The following PARD3 variants were observed in gnomAD, a reference collection of about 807,000 sequenced individuals.
PARD3 encodes the protein par-3 family cell polarity regulator.
PARD3 carries 75 observed loss-of-function variants against 155.4 expected under a neutral mutation model. That is an observed-to-expected ratio of 0.48 (90% confidence interval 0.40 to 0.58). The LOEUF is 0.58. PARD3 is among the 20% of genes least tolerant of loss of function. PARD3 has a pLI of 0.00. For missense variants in PARD3, 1,642 were observed against 1,721.7 expected, an observed-to-expected ratio of 0.95 and a Z score of 0.82; for synonymous variants, 576 against 610.5, an observed-to-expected ratio of 0.94 and a Z score of 0.83.
chr10:34,411,953 TG>T (rs1845122769), intron 5 of PARD3, among the ~76,000 whole-genome samples: 5 of 150,658 alleles, frequency 3.3e-5, no homozygotes, highest in African/African-American at 7.3e-5. Flanking sequence ...TGTGTGTGTG[TG>T]TGTGTGTGTA....
chr10:34,705,263 A>G (rs6481907), intron 1 of PARD3, among the ~76,000 whole-genome samples: 62,638 of 151,940 alleles, frequency 0.41, 14,315 homozygotes, highest in African/African-American at 0.6. Context: ...CCAGGAGTTC[A>G]AGACCAGCCT....
chr10:34,563,584 G>A (rs2085684070), intron 2 of PARD3, among the ~76,000 whole-genome samples: 1 of 150,882 alleles, frequency 6.6e-6, no homozygotes, highest in Non-Finnish European at 1.5e-5. Context: ...AGGATGGAGT[G>A]CAATGGTATG....
chr10:34,449,153 G>A (rs867814933), intron 5 of PARD3, among the ~76,000 whole-genome samples: 4 of 151,744 alleles, frequency 2.6e-5, no homozygotes, highest in Admixed American at 1.3e-4. Context: ...TCCTGACCTC[G>A]TGATCCACCC....
chr10:34,239,047 A>C (rs895536865), intron 22 of PARD3, among the ~76,000 whole-genome samples: 12 of 152,364 alleles, frequency 7.9e-5, no homozygotes, highest in Admixed American at 2.6e-4. Flanking sequence ...TGGGTATTTT[A>C]AGAAAATAAT....
chr10:34,445,548 T>A (rs1437850508), intron 5 of PARD3, among the ~76,000 whole-genome samples: 1 of 152,168 alleles, frequency 6.6e-6, no homozygotes, highest in Non-Finnish European at 1.5e-5. Flanking sequence ...CTAACTCAAA[T>A]AACTTCAACA....
intron 5 of PARD3, among the ~76,000 whole-genome samples, chr10:34,431,355 G>A (rs1251403290): frequency 2.0e-5 from 3 of 152,198 alleles, no homozygotes; most frequent in African/African-American, 4.8e-5. Context: ...TGATTTTAAA[G>A]GAAGGCACAG....
At chr10:34,739,393 C>A (rs1325856764) in intron 1 of PARD3, among the ~76,000 whole-genome samples, 1 of 152,142 alleles carries the variant, frequency 6.6e-6, no homozygotes, top group African/African-American at 2.4e-5. Context: ...CACCAGAGGG[C>A]TGTTCAAGAA....
At chr10:34,805,085 C>T (rs7081495) in intron 1 of PARD3, among the ~76,000 whole-genome samples, 5,233 of 152,298 alleles carry the variant, frequency 0.034, 106 homozygotes, top group Middle Eastern at 0.092. Flanking sequence ...AGGCTGGGCG[C>T]GGTGGCTCAC....
At chr10:34,604,634 GAT>G (rs2090075151) in intron 2 of PARD3, among the ~76,000 whole-genome samples, 1 of 147,886 alleles carries the variant, frequency 6.8e-6, no homozygotes, top group Admixed American at 6.8e-5. Flanking sequence ...AGATGTATAT[GAT>G]ATATAAAATA....
chr10:34,660,307 C>T (rs896811714), intron 2 of PARD3, among the ~76,000 whole-genome samples: 11 of 152,060 alleles, frequency 7.2e-5, no homozygotes, highest in Admixed American at 5.9e-4. Flanking sequence ...TTAATTAAAG[C>T]TTATCTCAGG....
intron 22 of PARD3, among the ~76,000 whole-genome samples, chr10:34,191,729 T>C (rs890530914): frequency 7.2e-5 from 11 of 152,126 alleles, no homozygotes; most frequent in Admixed American, 3.3e-4. Context: ...GAAGGATTCC[T>C]GGCCCCGCTG....
At chr10:34,264,747 ATTTT>A (rs71523323) in intron 22 of PARD3, among the ~76,000 whole-genome samples, 15 of 145,334 alleles carry the variant, frequency 1.0e-4, no homozygotes, top group African/African-American at 2.3e-4. Flanking sequence ...AAAAACTGGG[ATTTT>A]TTTTTTTTTT....
At chr10:34,813,154 A>C (rs1181221262) in intron 1 of PARD3, among the ~76,000 whole-genome samples, 1 of 152,268 alleles carries the variant, frequency 6.6e-6, no homozygotes, top group African/African-American at 2.4e-5. Flanking sequence ...CCAAACAGGC[A>C]GTTCAGCCTA....
intron 2 of PARD3, among the ~76,000 whole-genome samples, chr10:34,629,455 A>G (rs908798397): frequency 6.6e-6 from 1 of 151,976 alleles, no homozygotes; most frequent in Non-Finnish European, 1.5e-5. Context: ...GTGCATGTGC[A>G]CACACACACA....
chr10:34,318,085 C>A (rs1339918568), intron 19 of PARD3, among the ~76,000 whole-genome samples: 1 of 152,172 alleles, frequency 6.6e-6, no homozygotes, highest in African/African-American at 2.4e-5. Flanking sequence ...GATAAAAGAT[C>A]TGCTTAGTGA....
At chr10:34,639,539 G>T (rs2092600495) in intron 2 of PARD3, among the ~76,000 whole-genome samples, 1 of 152,136 alleles carries the variant, frequency 6.6e-6, no homozygotes, top group Admixed American at 6.5e-5. Context: ...ATGGTCTTGA[G>T]GCTCACATCT....
intron 20 of PARD3, among the ~76,000 whole-genome samples, chr10:34,289,892 G>A (rs932951535): frequency 6.6e-6 from 1 of 152,192 alleles, no homozygotes; most frequent in Admixed American, 6.5e-5. Flanking sequence ...TGAACTGGAG[G>A]ATGAATGGGG....
Position 34,561,761 on chromosome 10 carries a change from G to A in PARD3, c.223-44602C>T, listed in dbSNP as rs552887307. On this transcript the variant is annotated intron_variant, in intron 2 of 24. Transcript: ENST00000374788. ...TCGAACTCCCAATCTCAGGTGATCC[G>A]CCCACCTCGGCCTCCCAAAGTGCTG... Among the ~76,000 whole-genome samples, 17 of 151,610 alleles carry A rather than the reference G, an allele frequency of 1.1e-4. No homozygotes were observed. In the East Asian group the frequency reaches 1.4e-3, roughly 12 times the overall value.
chr10:34,115,586 G>A (rs117953632), intron 24 of PARD3, among the ~76,000 whole-genome samples: 1,669 of 152,144 alleles, frequency 0.011, 14 homozygotes, highest in Non-Finnish European at 0.016. Flanking sequence ...AAATATTTGA[G>A]GTGATGGATA....
Sources: allele counts gnomAD v4.1 joint callset (sites outside exome capture counted in the v4.1 genomes callset), GRCh38; gene constraint gnomAD v4.1.1; transcripts MANE v1.5; gene names NCBI Gene and HGNC (gene_info 2026-07-23, HGNC 2026-07-21).